The following MVD variants were observed in gnomAD, a reference collection of about 807,000 sequenced individuals.
The protein encoded by MVD is mevalonate diphosphate decarboxylase.
In MVD, 52 loss-of-function variants were observed where a neutral mutation model predicts 42.4. That is an observed-to-expected ratio of 1.23 (90% CI 0.98 to 1.55). The LOEUF (loss-of-function observed/expected upper bound fraction) is 1.55. Among genes scored for constraint, MVD ranks in the 40% most tolerant of loss-of-function variants. The pLI, the probability that MVD is intolerant of heterozygous loss-of-function variation, is 0.00. For missense variants in MVD, 663 were observed against 572.1 expected (o/e 1.16, Z -1.62); for synonymous variants, 287 against 243.2 (o/e 1.18, Z -1.68).
At chr16:88,654,943 G>T in intron 7 of MVD, 136 bp from the exon 8 acceptor site, 1 of 923,900 alleles carries the variant, frequency 1.1e-6, no homozygotes. Context: ...GAGTGGAGCT[G>T]TGACCCCAAG....
chr16:88,661,875 T>C (rs555205827), intron 1 of MVD, among the ~76,000 whole-genome samples: 1 of 149,272 alleles, frequency 6.7e-6, no homozygotes, highest in South Asian at 2.1e-4. Flanking sequence ...AATATATATA[T>C]GTATATATAC....
chr16:88,655,384 C>G lies in MVD; in HGVS notation c.712G>C (p.Ala238Pro). The G allele has an allele frequency of 6.3e-7, 1 of 1,593,166 alleles. No individual in the cohort carries two copies. Among genetic ancestry groups the G allele is most frequent in the Non-Finnish European group, 8.5e-7 (1 of 1,171,658 alleles). ...TCCCGGATGCAGCGGGCCATCTCCG[C>G]CATGCGCGCGGGCACCACGGACTCG... ...RAESVVPARMAEMARCIRERD... is the reference protein window; with the variant it reads ...RAESVVPARMPEMARCIRERD... The change falls in exon 7 of 10, where the codon GCG (alanine) becomes CCG (proline). Residue 238 changes from alanine to proline, a missense_variant. Physicochemically the swap from Ala to Pro is conservative, Grantham distance 27. Coordinates refer to ENST00000301012, the MANE Select transcript of MVD (RefSeq NM_002461.3).
intron 5 of MVD, 111 bp downstream of exon 5, chr16:88,655,994 C>T: frequency 7.0e-7 from 1 of 1,421,276 alleles, no homozygotes; most frequent in Non-Finnish European, 9.4e-7. Flanking sequence ...CCCGCTGACC[C>T]CAGGAGCCAA....
Position 88,658,722 on chromosome 16 carries a change from T to C in MVD, c.71-2A>G. 1 of 1,611,008 alleles carries C rather than the reference T, an allele frequency of 6.2e-7. No homozygotes were observed. Among genetic ancestry groups the C allele is most frequent in the Non-Finnish European group, 8.5e-7 (1 of 1,178,650 alleles). On this transcript the variant is annotated splice_acceptor_variant, in intron 1 of 9. Transcript: ENST00000301012. LOFTEE classifies it high-confidence loss of function. ...CCAGCTCTTCATCGCGCTTGCCCCC[T>C]GTAATGAACAGCCAGGGCCAGGCCG...
At chr16:88,653,489 G>C in intron 8 of MVD, 81 bp from the exon 9 acceptor site, 2 of 1,181,396 alleles carry the variant, frequency 1.7e-6, no homozygotes, top group Non-Finnish European at 2.4e-6. Context: ...CAAGTCCAGA[G>C]ATGGGAAGTG....
rs1907621403 is a variant in MVD, at chr16:88,652,390, C to T, written c.*135G>A. 1.0e-6 allele frequency: 1 copy of T among 987,890 alleles called. No homozygotes were observed. The allele number at this position is 987,890 out of a possible 1,614,324, so 61.2% of individuals were successfully genotyped here. On this transcript the variant is annotated 3_prime_UTR_variant, in exon 10 of 10. Transcript: ENST00000301012. Reference sequence around the variant, plus strand: ...CCGCAGGACTCCCTGCACTGCCCCACAGCAAGCTGCCCATGGGCCCGGGGT... The same window carrying T: ...CCGCAGGACTCCCTGCACTGCCCCATAGCAAGCTGCCCATGGGCCCGGGGT...
In MVD at chr16:88,658,684, T is replaced by G. The variant is rs748541115; in HGVS notation, c.107A>C (p.Asn36Thr). ...KRDEELVLPI[N>T]SSLSVTLHQD... ...GTGCAGAGTGACGCTCAGGGAGGAGTTGATGGGCAGAACCAGCTCTTCATC... is the reference window on the plus strand; with the variant it reads ...GTGCAGAGTGACGCTCAGGGAGGAGGTGATGGGCAGAACCAGCTCTTCATC... Residue 36 changes from asparagine to threonine, a missense_variant, in exon 2 of 10, where the codon AAC becomes ACC. Asn to Thr is a moderately conservative substitution (Grantham distance 65). Transcript: ENST00000301012. 6.2e-7 allele frequency: 1 copy of G among 1,612,874 alleles called. No homozygotes were observed.
chr16:88,657,749 T>A (rs879037108), intron 3 of MVD, 166 bp downstream of exon 3: 1 of 1,255,302 alleles, frequency 8.0e-7, no homozygotes, highest in Non-Finnish European at 1.1e-6. Context: ...GCCCAGCTGG[T>A]CATTGAGGTG....
chr16:88,655,113 G>C (rs572179593), intron 7 of MVD, 86 bp downstream of exon 7: 5 of 1,448,236 alleles, frequency 3.5e-6, no homozygotes, highest in Non-Finnish European at 4.7e-6. Flanking sequence ...CCCTGCACGC[G>C]AGCCCCGGGG....
At chr16:88,658,901 A>C in intron 1 of MVD, 181 bp from the exon 2 acceptor site, 34 of 528,532 alleles carry the variant, frequency 6.4e-5, no homozygotes, top group Non-Finnish European at 7.7e-5. Context: ...CTCCCACCCC[A>C]CTGAGCTCAG....
Position 88,657,541 on chromosome 16 carries a change from C to T in MVD, c.298G>A (p.Asp100Asn). The T allele has an allele frequency of 1.2e-6, 2 of 1,612,804 alleles. No individual in the cohort carries two copies. The highest frequency in any genetic ancestry group is 1.7e-6 in the Non-Finnish European group (2 of 1,179,918). Residue 100 changes from aspartate to asparagine, a missense_variant, in exon 4 of 10, where the codon GAC becomes AAC. Physicochemically the swap from Asp to Asn is conservative, Grantham distance 23. Transcript: ENST00000301012. Reference protein sequence around the residue: ...ARKRRNSRDGDPLPSSLSCKV... With the variant: ...ARKRRNSRDGNPLPSSLSCKV... ...CAGCTGAGGCTGGAGGGCAGCGGGT[C>T]CCCATCCCGTGAGTTCCTCCGCTTC...
At chr16:88,662,217 G>A (rs1908347880) in intron 1 of MVD, 1 of 152,454 alleles carries the variant, frequency 6.6e-6, no homozygotes, top group South Asian at 2.0e-4. Flanking sequence ...TCTTTGCGGG[G>A]TGAGGCCTTG....
At chr16:88,659,638 T>C (rs1908163867) in intron 1 of MVD, among the ~76,000 whole-genome samples, 1 of 152,028 alleles carries the variant, frequency 6.6e-6, no homozygotes, top group East Asian at 1.9e-4. Context: ...CAGCCCTCCC[T>C]AGCAGGACCA....
intron 5 of MVD, 160 bp from the exon 6 acceptor site, chr16:88,655,890 G>T: frequency 9.0e-7 from 1 of 1,106,680 alleles, no homozygotes; most frequent in Non-Finnish European, 1.3e-6. Context: ...CAGCAGGGGT[G>T]ACGCAGGGGC....
chr16:88,662,314 A>T (rs948929660), intron 1 of MVD: 2 of 166,274 alleles, frequency 1.2e-5, no homozygotes, highest in Non-Finnish European at 2.6e-5. Flanking sequence ...GCACGTCCAC[A>T]TTCTATGCTG....
chr16:88,656,882 G>A (rs1907962304), intron 4 of MVD: 1 of 291,054 alleles, frequency 3.4e-6, no homozygotes, highest in South Asian at 3.0e-5. Flanking sequence ...TGAAGATGGT[G>A]TGAGACCACC....
At position 88,652,581 on chromosome 16, in the gene MVD, C is replaced by G. The variant is rs189127618; in HGVS notation, c.1147G>C (p.Asp383His). Residue 383 changes from aspartate to histidine, a missense_variant, in exon 10 of 10, where the codon GAT becomes CAT. Transcript: ENST00000301012. ...TQVGPGPQIL[D>H]DPCAHLLGPD... Reference sequence around the variant, plus strand: ...CCCAGGAGGTGGGCGCAGGGGTCATCCAGGATTTGAGGCCCTGGCCCCACC... The same window carrying G: ...CCCAGGAGGTGGGCGCAGGGGTCATGCAGGATTTGAGGCCCTGGCCCCACC... 5.4e-4 allele frequency: 851 copies of G among 1,567,166 alleles called. 7 individuals are homozygous for G. In the East Asian group the frequency reaches 6.9e-3, roughly 13 times the overall value.
At chr16:88,655,489 G>A (rs752125348) in intron 6 of MVD, 72 bp from the exon 7 acceptor site, 248 of 1,522,456 alleles carry the variant, frequency 1.6e-4, no homozygotes, top group Non-Finnish European at 1.9e-4. Context: ...GAGAGACTCC[G>A]GGGTTGGAGG....
At position 88,652,360 on chromosome 16, in the gene MVD, G is replaced by T; in HGVS notation, c.*165C>A. Reference sequence around the variant, plus strand: ...CGGCGGGGACCTCTCCTGACACCTGGGCGGCCGCAGGACTCCCTGCACTGC... The same window carrying T: ...CGGCGGGGACCTCTCCTGACACCTGTGCGGCCGCAGGACTCCCTGCACTGC... On this transcript the variant is annotated 3_prime_UTR_variant, in exon 10 of 10. Coordinates refer to ENST00000301012, the MANE Select transcript of MVD (RefSeq NM_002461.3). 1 of 731,806 alleles carries T rather than the reference G, an allele frequency of 1.4e-6. No individual in the cohort carries two copies. Among genetic ancestry groups the T allele is most frequent in the Non-Finnish European group, 2.3e-6 (1 of 425,580 alleles). 45.3% of individuals were successfully genotyped at this position (731,806 alleles called of 1,614,324 possible).
Sources: allele counts gnomAD v4.1 joint callset (sites outside exome capture counted in the v4.1 genomes callset), GRCh38; gene constraint gnomAD v4.1.1; transcripts MANE v1.5; gene names NCBI Gene and HGNC (gene_info 2026-07-23, HGNC 2026-07-21).